The following SEPTIN11 variants were observed in gnomAD, a reference collection of about 807,000 sequenced individuals.
SEPTIN11 encodes the protein septin 11.
SEPTIN11 carries 25 observed loss-of-function variants against 51.4 expected under a neutral mutation model. The observed-to-expected ratio is 0.49, with a 90% CI of 0.35 to 0.68. The LOEUF (loss-of-function observed/expected upper bound fraction) is 0.68, where lower values mean the gene tolerates loss of function less well. SEPTIN11 is among the 30% of genes least tolerant of loss of function. The pLI is 0.00. For synonymous variants in SEPTIN11, 174 were observed against 184.1 expected, an observed-to-expected ratio of 0.95 and a Z score of 0.44; for missense variants, 381 against 520.8, an observed-to-expected ratio of 0.73 and a Z score of 2.61.
In SEPTIN11 at chr4:77,034,653, G is replaced by C; in HGVS notation, c.*141G>C. On this transcript the variant is annotated 3_prime_UTR_variant, in exon 10 of 10. Coordinates refer to ENST00000264893, the MANE Select transcript of SEPTIN11 (RefSeq NM_018243.4). ...AAACACCAGTAACTATTATTAACTC[G>C]TTTTGCTGAATGTTGTTGGGTGGTA... The C allele has an allele frequency of 7.5e-7, 1 of 1,329,352 alleles. No individual in the cohort carries two copies. The highest frequency in any genetic ancestry group is 9.6e-7 in the Non-Finnish European group (1 of 1,038,318). 82.3% of individuals were successfully genotyped at this position (1,329,352 alleles called of 1,614,324 possible). A position where few individuals can be genotyped will look rare whatever the true frequency, so the allele number is the denominator to read the frequency against.
chr4:77,020,436 T>G, intron 6 of SEPTIN11, 66 bp from the exon 7 acceptor site: 2 of 1,563,488 alleles, frequency 1.3e-6, no homozygotes, highest in Non-Finnish European at 8.7e-7. Flanking sequence ...CTTGGAAGCA[T>G]CACTGCAGAT....
chr4:76,979,979 C>T (rs1347306426), intron 1 of SEPTIN11, among the ~76,000 whole-genome samples: 2 of 152,192 alleles, frequency 1.3e-5, no homozygotes, highest in East Asian at 3.9e-4. Flanking sequence ...CCTTTGAATG[C>T]CTTGTTTGTT....
intron 2 of SEPTIN11, among the ~76,000 whole-genome samples, chr4:77,004,984 T>C (rs1269129054): frequency 6.6e-6 from 1 of 152,066 alleles, no homozygotes; most frequent in Non-Finnish European, 1.5e-5. Context: ...AATAAATACA[T>C]ATATACATAC....
intron 3 of SEPTIN11, 58 bp downstream of exon 3, chr4:77,005,854 C>T (rs1724448826): frequency 2.7e-6 from 4 of 1,495,028 alleles, no homozygotes; most frequent in African/African-American, 2.8e-5. Context: ...GGATCCATCC[C>T]AGGTAAATTT....
chr4:77,023,269 T>C (rs867783455), intron 7 of SEPTIN11, among the ~76,000 whole-genome samples: 29 of 139,254 alleles, frequency 2.1e-4, no homozygotes, highest in African/African-American at 6.3e-4. Context: ...GGAAAATGTA[T>C]ACACACACAC....
At chr4:76,999,205 T>C (rs1723945470) in intron 2 of SEPTIN11, among the ~76,000 whole-genome samples, 1 of 152,198 alleles carries the variant, frequency 6.6e-6, no homozygotes, top group Non-Finnish European at 1.5e-5. Flanking sequence ...CTTTGGGAGA[T>C]AGGAGTGTCA....
rs1727095089 is a variant in SEPTIN11 at position 77,037,253 on chromosome 4, T to A, written c.*2741T>A. 1.6e-6 allele frequency: 1 copy of A among 618,444 alleles called. No individual in the cohort carries two copies. Among genetic ancestry groups the A allele is most frequent in the Non-Finnish European group, 2.0e-6 (1 of 495,234 alleles). 38.3% of individuals were successfully genotyped at this position (618,444 alleles called of 1,614,324 possible). ...GGCACGTGCCTGTAGTCCCAGCTAC[T>A]TGGGAGGCTAAGTCAGGAGAATTGC... On this transcript the variant is annotated 3_prime_UTR_variant, in exon 10 of 10. Transcript: ENST00000264893.
chr4:76,982,937 G>T (rs1466473189), intron 1 of SEPTIN11, among the ~76,000 whole-genome samples: 5 of 151,104 alleles, frequency 3.3e-5, no homozygotes, highest in African/African-American at 9.7e-5. Flanking sequence ...TGTTTTTTTT[G>T]TTGTTTTTTG....
intron 1 of SEPTIN11, among the ~76,000 whole-genome samples, chr4:76,977,669 T>G (rs189487473): frequency 6.6e-6 from 1 of 152,210 alleles, no homozygotes; most frequent in East Asian, 1.9e-4. Context: ...TTTTTAGCCT[T>G]TCTAAAAAGG....
At chr4:77,000,807 C>T (rs1463238536) in intron 2 of SEPTIN11, among the ~76,000 whole-genome samples, 3 of 152,044 alleles carry the variant, frequency 2.0e-5, no homozygotes, top group African/African-American at 4.8e-5. Flanking sequence ...CATCTTATGC[C>T]GGAGTATGTT....
chr4:77,023,314 AAAT>A (rs1315791005), intron 7 of SEPTIN11, among the ~76,000 whole-genome samples: 1 of 144,272 alleles, frequency 6.9e-6, no homozygotes, highest in Admixed American at 7.1e-5. Context: ...TATATATATA[AAAT>A]AATATATATT....
At chr4:76,976,569 A>G (rs1398503783) in intron 1 of SEPTIN11, among the ~76,000 whole-genome samples, 2 of 152,194 alleles carry the variant, frequency 1.3e-5, no homozygotes, top group Non-Finnish European at 2.9e-5. Context: ...TGTGGTATCT[A>G]AACAATCATA....
In SEPTIN11 at chr4:77,006,272, A is replaced by G. The variant is rs536944822; in HGVS notation, c.338+476A>G. 4.6e-5 allele frequency among the ~76,000 whole-genome samples: 7 copies of G among 152,290 alleles called. No homozygotes were observed. In the East Asian group the frequency reaches 5.8e-4, roughly 13 times the overall value. ...TCAAATGCCTTCACCATGGCTTGCT[A>G]TATAATGATAAAATAGTACACTGAG... On this transcript the variant is annotated intron_variant, in intron 3 of 9. Coordinates refer to ENST00000264893, the MANE Select transcript of SEPTIN11 (RefSeq NM_018243.4).
chr4:77,007,854 CT>C (rs1445792577), intron 3 of SEPTIN11, among the ~76,000 whole-genome samples: 1 of 152,188 alleles, frequency 6.6e-6, no homozygotes, highest in Admixed American at 6.5e-5. Flanking sequence ...TGGACAGGCT[CT>C]GCCTCCCTCA....
chr4:76,983,027 A>T (rs1722844100), intron 1 of SEPTIN11, among the ~76,000 whole-genome samples: 1 of 151,896 alleles, frequency 6.6e-6, no homozygotes, highest in Non-Finnish European at 1.5e-5. Flanking sequence ...AGAAATAGGG[A>T]TGTTGAAATA....
At chr4:76,963,686 C>T (rs772218178) in intron 1 of SEPTIN11, among the ~76,000 whole-genome samples, 31 of 152,172 alleles carry the variant, frequency 2.0e-4, no homozygotes, top group Non-Finnish European at 4.1e-4. Flanking sequence ...AATTAATTTA[C>T]ACTTAAACAG....
intron 8 of SEPTIN11, among the ~76,000 whole-genome samples, chr4:77,029,201 G>A (rs1232789886): frequency 6.6e-6 from 1 of 152,202 alleles, no homozygotes; most frequent in Non-Finnish European, 1.5e-5. Context: ...CTCCACATCT[G>A]CGCCCGTGCT....
At chr4:76,996,229 CTG>C (rs1388657356) in intron 1 of SEPTIN11, among the ~76,000 whole-genome samples, 194 bp from the exon 2 acceptor site, 8 of 152,158 alleles carry the variant, frequency 5.3e-5, no homozygotes, top group Non-Finnish European at 1.0e-4. Flanking sequence ...CTTTGGGAGA[CTG>C]TGACTTTTGT....
chr4:76,971,090 A>C (rs531938041), intron 1 of SEPTIN11, among the ~76,000 whole-genome samples: 1 of 152,344 alleles, frequency 6.6e-6, no homozygotes, highest in South Asian at 2.1e-4. Flanking sequence ...ATCTTACATA[A>C]ACATACATAA....
Sources: allele counts gnomAD v4.1 joint callset (sites outside exome capture counted in the v4.1 genomes callset), GRCh38; gene constraint gnomAD v4.1.1; transcripts MANE v1.5; gene names NCBI Gene and HGNC (gene_info 2026-07-23, HGNC 2026-07-21).